SLC29A3: variants seen among roughly 807,000 people sequenced by gnomAD.
SLC29A3 encodes solute carrier family 29 member 3.
Under a neutral mutation model 25.4 loss-of-function variants are expected in SLC29A3, and 18 were observed. The observed-to-expected ratio is 0.71, with a 90% CI of 0.49 to 1.05. The LOEUF is 1.05. Ranked by LOEUF, SLC29A3 falls within the 50% of genes least tolerant of loss-of-function variation. The probability of loss-of-function intolerance (pLI) is 0.00; values close to 1 mark genes in which losing one functional copy is unlikely to be tolerated. For missense variants in SLC29A3, 586 were observed against 609.0 expected, an observed-to-expected ratio of 0.96 and a Z score of 0.40; for synonymous variants, 258 against 267.1, an observed-to-expected ratio of 0.97 and a Z score of 0.33.
At chr10:71,356,818 GTC>G (rs1294053421) in intron 5 of SLC29A3, among the ~76,000 whole-genome samples, 2 of 152,114 alleles carry the variant, frequency 1.3e-5, no homozygotes, top group East Asian at 1.9e-4. Context: ...GCAAGACCCT[GTC>G]TCTCTGAAAA....
chr10:71,370,071 T>C (rs889611825), intron 3 of SLC29A3, among the ~76,000 whole-genome samples: 1 of 152,184 alleles, frequency 6.6e-6, no homozygotes, highest in Non-Finnish European at 1.5e-5. Context: ...ATGGTGGCAC[T>C]GATGGGTCAC....
intron 3 of SLC29A3, among the ~76,000 whole-genome samples, chr10:71,344,813 C>A (rs1846521986): frequency 6.6e-6 from 1 of 152,226 alleles, no homozygotes; most frequent in Non-Finnish European, 1.5e-5. Context: ...CCGTGGGTGA[C>A]TTGCTGGCTC....
rs765372671 is a variant in SLC29A3 at position 71,323,049 on chromosome 10, A to T, written c.295A>T (p.Ile99Phe). The change falls in exon 2 of 6, where the codon ATC becomes TTC. Residue 99 changes from isoleucine to phenylalanine, a missense_variant. Physicochemically the swap from Ile to Phe is conservative, Grantham distance 21 (BLOSUM62 0). Transcript: ENST00000373189. Reference protein sequence around the residue: ...ATGEDPEGSDILNYFESYLAV... With the variant: ...ATGEDPEGSDFLNYFESYLAV... ...CGGGGAGGACCCTGAGGGCTCAGACATCCTGGTAAGGGCATGTTTCTCCTG... is the reference window on the plus strand; with the variant it reads ...CGGGGAGGACCCTGAGGGCTCAGACTTCCTGGTAAGGGCATGTTTCTCCTG... 3.1e-6 allele frequency: 5 copies of T among 1,612,888 alleles called. No individual in the cohort carries two copies. In the South Asian group the frequency reaches 4.4e-5, roughly 14 times the overall value.
At chr10:71,370,641 C>G (rs1234124539) in intron 3 of SLC29A3, among the ~76,000 whole-genome samples, 1 of 152,112 alleles carries the variant, frequency 6.6e-6, no homozygotes, top group Middle Eastern at 3.2e-3. Context: ...CTCAAGTGAT[C>G]CTCCCACCTC....
intron 3 of SLC29A3, among the ~76,000 whole-genome samples, chr10:71,344,730 A>G (rs1195749727): frequency 6.6e-6 from 1 of 152,196 alleles, no homozygotes; most frequent in African/African-American, 2.4e-5. Context: ...GGGCCACGAG[A>G]GGCTCCATCT....
In SLC29A3 at chr10:71,368,505, C is replaced by T. The variant is rs185832745; in HGVS notation, c.*95-7190C>T. Among the ~76,000 whole-genome samples the T allele has an allele frequency of 7.2e-5, 11 of 152,362 alleles. No individual in the cohort carries two copies. In the East Asian group the frequency reaches 1.7e-3, roughly 24 times the overall value. On this transcript the variant is annotated intron_variant and NMD_transcript_variant, in intron 3 of 4. Transcript: ENST00000642772. ...TGACACTTGTTTGATGCTCAGGCCC[C>T]CTGTCTGGATCTCCCTGCCCAGGCA...
intron 2 of SLC29A3, among the ~76,000 whole-genome samples, chr10:71,328,041 C>T (rs888624064): frequency 6.6e-6 from 1 of 152,132 alleles, no homozygotes; most frequent in Non-Finnish European, 1.5e-5. Flanking sequence ...AGTGTCTGCA[C>T]CTTCTCCTGG....
intron 2 of SLC29A3, among the ~76,000 whole-genome samples, chr10:71,326,585 C>T (rs922964105): frequency 1.3e-5 from 2 of 152,206 alleles, no homozygotes; most frequent in Non-Finnish European, 2.9e-5. Flanking sequence ...AGCTAGATTG[C>T]GTGTGCACCT....
downstream of SLC29A3, among the ~76,000 whole-genome samples, chr10:71,367,137 T>C (rs1847176977): frequency 6.6e-6 from 1 of 152,088 alleles, no homozygotes; most frequent in Admixed American, 6.6e-5. Flanking sequence ...GGAGGAGGCA[T>C]CTCTGTTAGA....
At chr10:71,371,222 T>G (rs1305236179) in intron 3 of SLC29A3, among the ~76,000 whole-genome samples, 1 of 152,198 alleles carries the variant, frequency 6.6e-6, no homozygotes, top group East Asian at 1.9e-4. Flanking sequence ...CCACTTCCTA[T>G]GCACTCACTC....
At chr10:71,377,527 C>A (rs1465165823) in intron 4 of SLC29A3, among the ~76,000 whole-genome samples, 2 of 152,228 alleles carry the variant, frequency 1.3e-5, no homozygotes, top group Non-Finnish European at 2.9e-5. Flanking sequence ...CCGGGCCGCA[C>A]AGCCAATGCC....
At chr10:71,321,028 C>T (rs1180616029) in intron 1 of SLC29A3, among the ~76,000 whole-genome samples, 1 of 152,084 alleles carries the variant, frequency 6.6e-6, no homozygotes, top group African/African-American at 2.4e-5. Flanking sequence ...AGCCTCAGAC[C>T]CCTCTGTGAA....
rs1306982955 is a variant in SLC29A3 at position 71,362,620 on chromosome 10, CA to C, written c.*14del. On this transcript the variant is annotated 3_prime_UTR_variant, in exon 6 of 6. Coordinates refer to ENST00000373189, the MANE Select transcript of SLC29A3 (RefSeq NM_018344.6). ...TGCACCTCATCTAGAAGGGAGGACA[CA>C]AGGACATTGGTGCTTCAGAGCCTTT... is the stretch of plus-strand genomic sequence containing the variant. The C allele has an allele frequency of 1.9e-6, 3 of 1,613,980 alleles. No individual in the cohort carries two copies. The African/African-American group carries it at 4.0e-5, about 22-fold the overall frequency.
chr10:71,325,551 C>A (rs1845946122), intron 2 of SLC29A3, among the ~76,000 whole-genome samples: 1 of 152,180 alleles, frequency 6.6e-6, no homozygotes, highest in Non-Finnish European at 1.5e-5. Context: ...TGTACTCCAC[C>A]CCTCAACTCC....
At chr10:71,329,075 C>T (rs1212950391) in intron 2 of SLC29A3, among the ~76,000 whole-genome samples, 4 of 152,192 alleles carry the variant, frequency 2.6e-5, no homozygotes, top group Non-Finnish European at 4.4e-5. Context: ...ACCCACCTCC[C>T]GCTTGACCTG....
chr10:71,339,768 C>T (rs962458696), intron 2 of SLC29A3, among the ~76,000 whole-genome samples: 11 of 152,258 alleles, frequency 7.2e-5, no homozygotes, highest in Admixed American at 3.3e-4. Flanking sequence ...GGCACCCATA[C>T]CTGCCATATC....
At chr10:71,325,357 T>A (rs1845940980) in intron 2 of SLC29A3, among the ~76,000 whole-genome samples, 1 of 152,200 alleles carries the variant, frequency 6.6e-6, no homozygotes, top group Non-Finnish European at 1.5e-5. Flanking sequence ...GTGTGATGAC[T>A]GGGTTTCCAC....
intron 4 of SLC29A3, among the ~76,000 whole-genome samples, chr10:71,355,380 C>CAAGGAG (rs1419018999): frequency 1.3e-5 from 2 of 152,150 alleles, no homozygotes; most frequent in African/African-American, 2.4e-5. Context: ...AAGCCATTGG[C>CAAGGAG]AAGGAGAACA....
chr10:71,355,061 G>A (rs925386909), intron 4 of SLC29A3, among the ~76,000 whole-genome samples: 32 of 152,228 alleles, frequency 2.1e-4, no homozygotes, highest in African/African-American at 6.5e-4. Context: ...CAATGCAGTC[G>A]TGGCGAGGCA....
Sources: allele counts gnomAD v4.1 joint callset (sites outside exome capture counted in the v4.1 genomes callset), GRCh38; gene constraint gnomAD v4.1.1; transcripts MANE v1.5; gene names NCBI Gene and HGNC (gene_info 2026-07-23, HGNC 2026-07-21).